The following QTMAN variants were observed in gnomAD, a reference collection of about 807,000 sequenced individuals.
The protein encoded by QTMAN is queuosine-tRNA mannosyltransferase, also known as tRNA-queuosine alpha-mannosyltransferase.
chr2:144,006,134 G>C, the QTMAN span: 1 of 152,074 alleles, frequency 6.6e-6, no homozygotes, highest in Admixed American at 6.5e-5. Flanking sequence ...CACTACCTTA[G>C]AAAGGCTATG....
chr2:144,332,471 C>T, the QTMAN span: 1 of 147,970 alleles, frequency 6.8e-6, no homozygotes, highest in East Asian at 2.0e-4. Flanking sequence ...TCTCTCCCTC[C>T]TGGCCACCGG....
the QTMAN span, among the ~76,000 whole-genome samples, chr2:144,199,648 A>AAT: frequency 1.4e-4 from 21 of 152,202 alleles, no homozygotes; most frequent in East Asian, 3.9e-4. Flanking sequence ...ATTAAAGTTG[A>AAT]ATATATATAT....
At chr2:144,277,544 G>C in the QTMAN span, among the ~76,000 whole-genome samples, 3 of 151,988 alleles carry the variant, frequency 2.0e-5, no homozygotes, top group African/African-American at 7.2e-5. Flanking sequence ...AGTTAAAAAA[G>C]AGTTACAAGA....
At chr2:144,177,570 G>C in the QTMAN span, among the ~76,000 whole-genome samples, 1 of 152,154 alleles carries the variant, frequency 6.6e-6, no homozygotes, top group African/African-American at 2.4e-5. Flanking sequence ...CTGAGTTGTT[G>C]AGTCAACTTG....
At chr2:144,109,792 GATC>G in the QTMAN span, among the ~76,000 whole-genome samples, 23 of 152,052 alleles carry the variant, frequency 1.5e-4, no homozygotes, top group Admixed American at 6.5e-4. Flanking sequence ...ATGAAAAAAT[GATC>G]ATCATCACTG....
At chr2:144,035,262 C>T in the QTMAN span, among the ~76,000 whole-genome samples, 1 of 152,170 alleles carries the variant, frequency 6.6e-6, no homozygotes, top group Non-Finnish European at 1.5e-5. Context: ...CCTGAGGCCT[C>T]CCCAGCCATG....
the QTMAN span, among the ~76,000 whole-genome samples, chr2:144,272,744 T>G: frequency 1.3e-5 from 2 of 152,122 alleles, no homozygotes; most frequent in Non-Finnish European, 2.9e-5. Context: ...TGTGCATGCA[T>G]GCGTGTGTGT....
chr2:143,967,485 C>G, the QTMAN span, among the ~76,000 whole-genome samples: 5 of 152,082 alleles, frequency 3.3e-5, no homozygotes, highest in African/African-American at 9.7e-5. Flanking sequence ...CGTGCACTAC[C>G]ATGCCTGGCT....
chr2:144,302,425 G>C, the QTMAN span, among the ~76,000 whole-genome samples: 1 of 151,960 alleles, frequency 6.6e-6, no homozygotes, highest in Non-Finnish European at 1.5e-5. Context: ...GAAATGAACA[G>C]ACCCTTTATT....
chr2:144,181,241 G>A, the QTMAN span, among the ~76,000 whole-genome samples: 2 of 152,176 alleles, frequency 1.3e-5, no homozygotes, highest in Admixed American at 6.6e-5. Flanking sequence ...TGTGCCAGTG[G>A]TTTTCATGAT....
the QTMAN span, among the ~76,000 whole-genome samples, chr2:144,018,788 G>C: frequency 2.1e-4 from 32 of 152,160 alleles, no homozygotes; most frequent in African/African-American, 7.5e-4. Context: ...TGTCCTCATG[G>C]AACATATAAT....
At chr2:143,949,310 T>G in the QTMAN span, among the ~76,000 whole-genome samples, 1 of 152,064 alleles carries the variant, frequency 6.6e-6, no homozygotes, top group African/African-American at 2.4e-5. Flanking sequence ...GCATTCTGTT[T>G]CAAATCCTGC....
chr2:143,945,503 G>C, the QTMAN span: 3 of 152,284 alleles, frequency 2.0e-5, no homozygotes, highest in African/African-American at 2.4e-5. Context: ...GCTTCGATCT[G>C]CAATACTGCC....
chr2:144,136,722 T>C, the QTMAN span, among the ~76,000 whole-genome samples: 2 of 152,120 alleles, frequency 1.3e-5, no homozygotes, highest in Admixed American at 1.3e-4. Flanking sequence ...CTCAGCACCA[T>C]GGAGTTCCAC....
At chr2:144,171,995 G>T in the QTMAN span, among the ~76,000 whole-genome samples, 1 of 151,994 alleles carries the variant, frequency 6.6e-6, no homozygotes, top group Non-Finnish European at 1.5e-5. Flanking sequence ...CATTTTATGT[G>T]TTCTCAGAGT....
chr2:144,170,990 C>T, the QTMAN span, among the ~76,000 whole-genome samples: 16 of 152,094 alleles, frequency 1.1e-4, no homozygotes, highest in African/African-American at 4.8e-5. Context: ...GTGACAGAGA[C>T]TGAGGCTGAA....
the QTMAN span, among the ~76,000 whole-genome samples, chr2:144,161,038 A>G: frequency 6.6e-6 from 1 of 152,166 alleles, no homozygotes; most frequent in Non-Finnish European, 1.5e-5. Flanking sequence ...CATAAGAGTG[A>G]TAATAATTTG....
chr2:144,267,482 C>T, the QTMAN span, among the ~76,000 whole-genome samples: 2 of 152,170 alleles, frequency 1.3e-5, no homozygotes, highest in African/African-American at 4.8e-5. Context: ...GTGACCTTCA[C>T]GAGTGCAGTT....
the QTMAN span, among the ~76,000 whole-genome samples, chr2:144,059,129 T>A: frequency 2.6e-5 from 4 of 152,180 alleles, no homozygotes; most frequent in African/African-American, 9.7e-5. Flanking sequence ...TCCAGCCTCA[T>A]CTCCACTCAT....
Sources: gnomAD v4.1 joint callset for allele counts (sites outside exome capture counted in the v4.1 genomes callset) on GRCh38, gnomAD v4.1.1 for gene constraint, MANE v1.5 for transcripts, NCBI Gene and HGNC (gene_info 2026-07-23, HGNC 2026-07-21) for gene names.